The following CTNND2 variants were observed in gnomAD, a reference collection of about 807,000 sequenced individuals.
CTNND2 encodes the protein catenin delta 2.
A neutral mutation model predicts 144.4 loss-of-function variants in CTNND2; 22 were observed. The ratio of observed to expected loss-of-function variants is 0.15; its 90% CI spans 0.11 to 0.22. CTNND2 has a LOEUF of 0.22. Among genes scored for constraint, CTNND2 ranks in the 10% least tolerant of loss-of-function variants. The pLI, the probability that CTNND2 is intolerant of heterozygous loss-of-function variation, is 1.00. For missense variants in CTNND2, 1,353 were observed against 1,618.8 expected (o/e 0.84, Z 2.82); for synonymous variants, 751 against 695.6 (o/e 1.08, Z -1.25).
intron 1 of CTNND2, among the ~76,000 whole-genome samples, chr5:11,865,980 T>A (rs531082778): frequency 4.8e-4 from 73 of 151,096 alleles, no homozygotes; most frequent in Non-Finnish European, 9.9e-4. Context: ...TTTAGCCAAC[T>A]GACACCCACA....
intron 1 of CTNND2, among the ~76,000 whole-genome samples, chr5:11,742,186 C>T (rs1788056512): frequency 6.6e-6 from 1 of 152,036 alleles, no homozygotes; most frequent in South Asian, 2.1e-4. Flanking sequence ...ACCTGTTACC[C>T]CAAAACTTAT....
At chr5:11,167,811 C>T (rs1366756666) in intron 11 of CTNND2, among the ~76,000 whole-genome samples, 1 of 151,130 alleles carries the variant, frequency 6.6e-6, no homozygotes, top group Non-Finnish European at 1.5e-5. Context: ...CCCAAGTGAT[C>T]CTCCCACCTC....
chr5:11,624,517 G>A (rs1781050257), intron 2 of CTNND2, among the ~76,000 whole-genome samples: 2 of 152,084 alleles, frequency 1.3e-5, no homozygotes, highest in South Asian at 4.1e-4. Context: ...CAGTCAAAAT[G>A]TACTCTGTAG....
At chr5:11,030,365 T>C (rs567020288) in intron 16 of CTNND2, among the ~76,000 whole-genome samples, 1 of 152,260 alleles carries the variant, frequency 6.6e-6, no homozygotes, top group East Asian at 1.9e-4. Context: ...CTGAGTCTTT[T>C]GTAGTGTGTA....
At chr5:11,718,842 C>A (rs1426506437) in intron 2 of CTNND2, among the ~76,000 whole-genome samples, 1 of 152,124 alleles carries the variant, frequency 6.6e-6, no homozygotes, top group Admixed American at 6.5e-5. Context: ...CTCCTCTCTC[C>A]ATATTTCCTT....
chr5:11,065,289 T>C (rs1410854479), intron 16 of CTNND2, among the ~76,000 whole-genome samples: 1 of 152,224 alleles, frequency 6.6e-6, no homozygotes, highest in Non-Finnish European at 1.5e-5. Flanking sequence ...TTAAGATAGT[T>C]CTTTTGGAAA....
At chr5:11,122,123 G>T (rs928663734) in intron 12 of CTNND2, among the ~76,000 whole-genome samples, 1 of 152,096 alleles carries the variant, frequency 6.6e-6, no homozygotes, top group African/African-American at 2.4e-5. Flanking sequence ...CTCTGTGACT[G>T]ACTGTGCTCT....
At chr5:11,541,684 T>A (rs1774746257) in intron 3 of CTNND2, among the ~76,000 whole-genome samples, 1 of 152,192 alleles carries the variant, frequency 6.6e-6, no homozygotes, top group Non-Finnish European at 1.5e-5. Context: ...AGATAAGACA[T>A]CTCAACTGAA....
intron 1 of CTNND2, among the ~76,000 whole-genome samples, chr5:11,762,338 G>T (rs1280413428): frequency 6.6e-6 from 1 of 152,072 alleles, no homozygotes; most frequent in African/African-American, 2.4e-5. Context: ...GTCTTTAATA[G>T]AGCAGAGAAT....
chr5:11,271,573 G>C (rs138197748), intron 9 of CTNND2, among the ~76,000 whole-genome samples: 1 of 151,998 alleles, frequency 6.6e-6, no homozygotes, highest in Admixed American at 6.6e-5. Flanking sequence ...TGAGAATATC[G>C]CCCCCTGCCA....
intron 1 of CTNND2, among the ~76,000 whole-genome samples, chr5:11,849,340 T>C (rs944078523): frequency 1.3e-5 from 2 of 152,088 alleles, no homozygotes; most frequent in Non-Finnish European, 2.9e-5. Context: ...GGAGCTACAA[T>C]TCAAGATGAG....
At chr5:11,696,623 T>G (rs1308436895) in intron 2 of CTNND2, among the ~76,000 whole-genome samples, 1 of 152,180 alleles carries the variant, frequency 6.6e-6, no homozygotes, top group Non-Finnish European at 1.5e-5. Flanking sequence ...GTTAGCATAA[T>G]GTAGATGTAA....
intron 16 of CTNND2, among the ~76,000 whole-genome samples, chr5:11,061,042 C>T (rs751317603): frequency 7.2e-5 from 11 of 152,108 alleles, no homozygotes; most frequent in South Asian, 2.1e-4. Flanking sequence ...CGGCTTTCTA[C>T]GTGGCATGTC....
At chr5:11,292,982 C>T (rs10474916) in intron 9 of CTNND2, among the ~76,000 whole-genome samples, 18,086 of 152,226 alleles carry the variant, frequency 0.12, 1,210 homozygotes, top group Admixed American at 0.18. Flanking sequence ...GAAACTCATA[C>T]ACCAAGCATC....
At chr5:11,111,317 G>A (rs1752950468) in intron 13 of CTNND2, among the ~76,000 whole-genome samples, 1 of 152,208 alleles carries the variant, frequency 6.6e-6, no homozygotes, top group Admixed American at 6.5e-5. Context: ...TCACTTGTGA[G>A]AAGGGAAGAA....
At chr5:11,426,356 C>A (rs931521919) in intron 3 of CTNND2, among the ~76,000 whole-genome samples, 1 of 152,180 alleles carries the variant, frequency 6.6e-6, no homozygotes, top group African/African-American at 2.4e-5. Flanking sequence ...GCTTCACGGG[C>A]CTGAGACCTG....
intron 2 of CTNND2, among the ~76,000 whole-genome samples, chr5:11,651,332 G>A (rs1782637828): frequency 6.6e-6 from 1 of 152,184 alleles, no homozygotes; most frequent in African/African-American, 2.4e-5. Context: ...TGAGGCTTTG[G>A]AGCCTCTGTA....
At chr5:11,766,174 T>C (rs1373095340) in intron 1 of CTNND2, among the ~76,000 whole-genome samples, 1 of 152,240 alleles carries the variant, frequency 6.6e-6, no homozygotes, top group Admixed American at 6.5e-5. Context: ...ACTTGCATTG[T>C]CAACATCCAC....
intron 1 of CTNND2, among the ~76,000 whole-genome samples, chr5:11,766,650 C>T (rs1789605661): frequency 1.3e-5 from 2 of 152,074 alleles, no homozygotes; most frequent in Non-Finnish European, 2.9e-5. Context: ...AGCGTGAAAA[C>T]TAACTAATAT....
Sources: allele counts gnomAD v4.1 joint callset (sites outside exome capture counted in the v4.1 genomes callset), GRCh38; gene constraint gnomAD v4.1.1; transcripts MANE v1.5; gene names NCBI Gene and HGNC (gene_info 2026-07-23, HGNC 2026-07-21).